Variants in MALRD1 observed in about 807,000 individuals in gnomAD.
The protein encoded by MALRD1 is MAM and LDL-receptor class A domain-containing protein 1.
A neutral mutation model predicts 242.1 loss-of-function variants in MALRD1; 247 were observed. The observed-to-expected ratio is 1.02, with a 90% CI of 0.92 to 1.13. MALRD1 has a LOEUF of 1.13. Among genes scored for constraint, MALRD1 ranks in the 50% most tolerant of loss-of-function variants. The pLI is 0.00. For missense variants in MALRD1, 2,989 were observed against 2,533.1 expected, an observed-to-expected ratio of 1.18 and a Z score of -3.86; for synonymous variants, 995 against 866.6, an observed-to-expected ratio of 1.15 and a Z score of -2.60.
intron 21 of MALRD1, among the ~76,000 whole-genome samples, chr10:19,322,291 A>G (rs1007921346): frequency 1.3e-5 from 2 of 152,002 alleles, no homozygotes; most frequent in Non-Finnish European, 2.9e-5. Context: ...TATATAAGAG[A>G]ACTGGAAATG....
intron 24 of MALRD1, among the ~76,000 whole-genome samples, chr10:19,345,463 A>G (rs547124223): frequency 7.9e-5 from 12 of 152,084 alleles, no homozygotes; most frequent in African/African-American, 2.6e-4. Flanking sequence ...GTTCATTATT[A>G]TTTTCCTGAC....
At position 19,216,975 on chromosome 10, in the gene MALRD1, T is replaced by TAAAA. The variant is rs1564474191; in HGVS notation, c.2991+7295_2991+7296insAAAA. ...AAAAAAAAATAAAAATAAAATAAAATTAAAAAAAATGATGTGGAGAGGCCA... is the reference window on the plus strand; with the variant it reads ...AAAAAAAAATAAAAATAAAATAAAATAAAATAAAAAAAATGATGTGGAGAGGCCA... On this transcript the variant is annotated intron_variant, in intron 18 of 39. Coordinates refer to ENST00000454679, the MANE Select transcript of MALRD1 (RefSeq NM_001142308.3). Among the ~76,000 whole-genome samples the TAAAA allele has an allele frequency of 2.8e-3, 415 of 146,860 alleles. 3 individuals are homozygous for TAAAA. Among genetic ancestry groups the TAAAA allele is most frequent in the African/African-American group, 9.9e-3 (393 of 39,528 alleles).
At chr10:19,096,212 A>G (rs1267210365) in intron 4 of MALRD1, among the ~76,000 whole-genome samples, 1 of 152,148 alleles carries the variant, frequency 6.6e-6, no homozygotes, top group Non-Finnish European at 1.5e-5. Context: ...CCTATTCTCA[A>G]GTGATACATC....
intron 28 of MALRD1, among the ~76,000 whole-genome samples, chr10:19,410,129 G>A (rs962374614): frequency 6.6e-6 from 1 of 152,100 alleles, no homozygotes; most frequent in African/African-American, 2.4e-5. Flanking sequence ...CATGGATAAC[G>A]TCCATGACTG....
At chr10:19,156,690 C>G (rs903443512) in intron 12 of MALRD1, among the ~76,000 whole-genome samples, 2 of 152,112 alleles carry the variant, frequency 1.3e-5, no homozygotes, top group African/African-American at 4.8e-5. Flanking sequence ...CCTAGAGTCA[C>G]TGAGAAATCA....
intron 34 of MALRD1, among the ~76,000 whole-genome samples, chr10:19,606,250 A>G (rs968358852): frequency 3.3e-5 from 5 of 152,182 alleles, no homozygotes; most frequent in Admixed American, 6.5e-5. Flanking sequence ...GGTCATTTAA[A>G]TAATTTACTT....
intron 25 of MALRD1, among the ~76,000 whole-genome samples, chr10:19,348,221 C>G (rs1189825488): frequency 6.6e-6 from 1 of 152,044 alleles, no homozygotes; most frequent in African/African-American, 2.4e-5. Context: ...AGAATTTCTC[C>G]TATGGATAAA....
intron 14 of MALRD1, among the ~76,000 whole-genome samples, chr10:19,196,129 A>G (rs901213219): frequency 6.6e-6 from 1 of 152,158 alleles, no homozygotes; most frequent in African/African-American, 2.4e-5. Flanking sequence ...TGCCTGTTCA[A>G]CAGCATTACT....
At chr10:19,428,579 A>G (rs965614840) in intron 28 of MALRD1, among the ~76,000 whole-genome samples, 2 of 151,960 alleles carry the variant, frequency 1.3e-5, no homozygotes, top group African/African-American at 4.8e-5. Flanking sequence ...GCTCTCCAAA[A>G]TCCTTCACAT....
intron 14 of MALRD1, among the ~76,000 whole-genome samples, chr10:19,191,954 C>T (rs1307401882): frequency 1.3e-5 from 2 of 151,964 alleles, no homozygotes; most frequent in African/African-American, 2.4e-5. Flanking sequence ...GCTGAAATCG[C>T]TCGTGCCACT....
At chr10:19,056,573 AAC>A (rs1834675659) in intron 1 of MALRD1, among the ~76,000 whole-genome samples, 2 of 151,972 alleles carry the variant, frequency 1.3e-5, no homozygotes, top group Admixed American at 6.6e-5. Context: ...TATTAGTTTT[AAC>A]AGTTTTTTGT....
intron 1 of MALRD1, among the ~76,000 whole-genome samples, chr10:19,054,179 TG>T (rs1319627851): frequency 6.6e-6 from 1 of 152,190 alleles, no homozygotes; most frequent in Non-Finnish European, 1.5e-5. Context: ...AGTGTTACAT[TG>T]CTTCTGTGCT....
At chr10:19,675,201 A>T (rs556421729) in intron 36 of MALRD1, among the ~76,000 whole-genome samples, 82 of 152,288 alleles carry the variant, frequency 5.4e-4, no homozygotes, top group African/African-American at 1.9e-3. Flanking sequence ...TAAAAACCAC[A>T]CAAGAGCACA....
At chr10:19,602,196 C>CT (rs35846232) in intron 34 of MALRD1, among the ~76,000 whole-genome samples, 64,447 of 113,154 alleles carry the variant, frequency 0.57, 17,550 homozygotes, top group African/African-American at 0.68. Flanking sequence ...GTAGCATAGT[C>CT]TTTTTTTTTT....
At chr10:19,596,661 T>C (rs1838113916) in intron 34 of MALRD1, among the ~76,000 whole-genome samples, 1 of 151,608 alleles carries the variant, frequency 6.6e-6, no homozygotes, top group Non-Finnish European at 1.5e-5. Context: ...GGCCCAGGAG[T>C]TTGAGGCTGC....
At chr10:19,087,159 T>C (rs1312034653) in intron 2 of MALRD1, among the ~76,000 whole-genome samples, 1 of 151,992 alleles carries the variant, frequency 6.6e-6, no homozygotes, top group Admixed American at 6.6e-5. Context: ...CTTAAAATGG[T>C]GGTGTTTGTC....
In MALRD1 at chr10:19,517,963, A is replaced by G. The variant is rs373224636; in HGVS notation, c.5321-13231A>G. On this transcript the variant is annotated intron_variant, in intron 31 of 39. Transcript: ENST00000454679. ...TTATTTTTGCAGATATGACTTATAA[A>G]TCAGGTAGCACTCAGAACCAGAAAA... 2.1e-3 allele frequency among the ~76,000 whole-genome samples: 321 copies of G among 152,278 alleles called. 1 individual carries two copies. Among genetic ancestry groups the G allele is most frequent in the Middle Eastern group, 6.8e-3 (2 of 294 alleles).
At chr10:19,290,860 G>C (rs865838464) in intron 21 of MALRD1, among the ~76,000 whole-genome samples, 22 of 152,182 alleles carry the variant, frequency 1.4e-4, no homozygotes, top group Middle Eastern at 3.4e-3. Flanking sequence ...CTTGTGTAAT[G>C]ATTCCTCTCA....
At chr10:19,603,809 C>A (rs891419563) in intron 34 of MALRD1, among the ~76,000 whole-genome samples, 1 of 152,110 alleles carries the variant, frequency 6.6e-6, no homozygotes, top group African/African-American at 2.4e-5. Context: ...GATCAGTGAT[C>A]TTTGATGTTA....
Sources: gnomAD v4.1 joint callset for allele counts (sites outside exome capture counted in the v4.1 genomes callset) on GRCh38, gnomAD v4.1.1 for gene constraint, MANE v1.5 for transcripts, NCBI Gene and HGNC (gene_info 2026-07-23, HGNC 2026-07-21) for gene names.